CCBE1: variants seen among roughly 807,000 people sequenced by gnomAD.
The protein encoded by CCBE1 is collagen and calcium binding EGF domains 1.
In CCBE1, 37 loss-of-function variants were observed where a neutral mutation model predicts 50.0. The observed-to-expected ratio is 0.74, with a 90% confidence interval of 0.57 to 0.97. The LOEUF (loss-of-function observed/expected upper bound fraction) is 0.97. CCBE1 is among the 50% of genes least tolerant of loss of function. The probability of loss-of-function intolerance (pLI) is 0.00; values close to 1 mark genes in which losing one functional copy is unlikely to be tolerated. For synonymous variants in CCBE1, 234 were observed against 203.7 expected (o/e 1.15, Z -1.27); for missense variants, 538 against 523.8 (o/e 1.03, Z -0.26).
intron 2 of CCBE1, among the ~76,000 whole-genome samples, chr18:59,606,128 A>T (rs1026646176): frequency 2.0e-5 from 3 of 152,230 alleles, no homozygotes; most frequent in Admixed American, 6.5e-5. Flanking sequence ...TAACACGCTT[A>T]ATTCTTAACT....
chr18:59,547,221 A>G (rs1426453990), intron 2 of CCBE1, among the ~76,000 whole-genome samples: 6 of 152,022 alleles, frequency 3.9e-5, no homozygotes, highest in African/African-American at 1.4e-4. Context: ...TTGGGAGGCT[A>G]AGGCGGGCAG....
intron 2 of CCBE1, among the ~76,000 whole-genome samples, chr18:59,677,033 T>G (rs1390294228): frequency 6.6e-6 from 1 of 152,134 alleles, no homozygotes; most frequent in African/African-American, 2.4e-5. Flanking sequence ...GAATATGGAT[T>G]TTGTTTCCAG....
At chr18:59,516,460 G>A (rs979313711) in intron 2 of CCBE1, among the ~76,000 whole-genome samples, 6 of 152,182 alleles carry the variant, frequency 3.9e-5, no homozygotes, top group South Asian at 2.1e-4. Context: ...TCAAGTGGCC[G>A]ATAGTAGCTG....
At chr18:59,575,733 T>A (rs978585723) in intron 2 of CCBE1, among the ~76,000 whole-genome samples, 1 of 152,214 alleles carries the variant, frequency 6.6e-6, no homozygotes, top group South Asian at 2.1e-4. Context: ...GGTCCTAAGT[T>A]GCAGTGGCTA....
chr18:59,489,032 T>C (rs1178184990), intron 2 of CCBE1, among the ~76,000 whole-genome samples: 2 of 152,236 alleles, frequency 1.3e-5, no homozygotes, highest in Non-Finnish European at 2.9e-5. Flanking sequence ...GTCTCAACCA[T>C]ATGTGTTACC....
At chr18:59,555,417 T>C (rs1209401536) in intron 2 of CCBE1, among the ~76,000 whole-genome samples, 2 of 152,236 alleles carry the variant, frequency 1.3e-5, no homozygotes, top group African/African-American at 2.4e-5. Flanking sequence ...ACAGGTGTCA[T>C]GTTCCATCTC....
rs559488971 is a variant in CCBE1, at chr18:59,442,381, CATGT to C, written c.776-2569_776-2566del. 8.9e-4 allele frequency among the ~76,000 whole-genome samples: 135 copies of C among 152,270 alleles called. 1 individual carries two copies. Among genetic ancestry groups the C allele is most frequent in the Non-Finnish European group, 1.5e-3 (104 of 68,020 alleles). On this transcript the variant is annotated intron_variant, in intron 7 of 10. Coordinates refer to ENST00000439986, the MANE Select transcript of CCBE1 (RefSeq NM_133459.4). ...TGTTTATATGCATTCATGCACTGTACATGTATGTGTTTTCTGTTTATGTGTATCA... is the reference window on the plus strand; with the variant it reads ...TGTTTATATGCATTCATGCACTGTACATGTGTTTTCTGTTTATGTGTATCA...
At chr18:59,457,679 G>A (rs1343092683) in intron 5 of CCBE1, among the ~76,000 whole-genome samples, 3 of 152,178 alleles carry the variant, frequency 2.0e-5, no homozygotes, top group Admixed American at 1.3e-4. Context: ...GAGGTCTGGC[G>A]ACTTCCTGAA....
At chr18:59,665,920 C>T (rs2054348941) in intron 2 of CCBE1, among the ~76,000 whole-genome samples, 1 of 152,172 alleles carries the variant, frequency 6.6e-6, no homozygotes, top group Admixed American at 6.5e-5. Flanking sequence ...TAGAATATAT[C>T]ATGTACAAAA....
chr18:59,680,221 A>C (rs1296749380), intron 2 of CCBE1, among the ~76,000 whole-genome samples: 1 of 70,964 alleles, frequency 1.4e-5, no homozygotes, highest in Non-Finnish European at 2.8e-5. Context: ...ACCCCTTTTC[A>C]AAAAAGAAAA....
intron 2 of CCBE1, among the ~76,000 whole-genome samples, chr18:59,645,908 G>A (rs1002068032): frequency 1.3e-5 from 2 of 152,266 alleles, no homozygotes; most frequent in African/African-American, 2.4e-5. Flanking sequence ...GCGGGTGCCT[G>A]TAGTCCCAGT....
intron 2 of CCBE1, among the ~76,000 whole-genome samples, chr18:59,661,001 G>GT (rs58257621): frequency 0.4 from 60,114 of 150,498 alleles, 12,834 homozygotes; most frequent in African/African-American, 0.55. Flanking sequence ...ACTGGGAGGT[G>GT]TTTTTTTTTG....
chr18:59,590,874 T>A (rs988542563), intron 2 of CCBE1, among the ~76,000 whole-genome samples: 1 of 151,940 alleles, frequency 6.6e-6, no homozygotes, highest in African/African-American at 2.4e-5. Flanking sequence ...TCAAAGGATC[T>A]GAGGTGTAAG....
chr18:59,517,658 CCCT>C (rs1305402844), intron 2 of CCBE1, among the ~76,000 whole-genome samples: 2 of 152,146 alleles, frequency 1.3e-5, no homozygotes, highest in Admixed American at 1.3e-4. Flanking sequence ...TCAGTTCTAT[CCCT>C]TTCTTCCTAG....
intron 6 of CCBE1, among the ~76,000 whole-genome samples, chr18:59,449,514 T>TG (rs1291667148): frequency 5.9e-5 from 9 of 151,592 alleles, no homozygotes; most frequent in Non-Finnish European, 8.8e-5. Context: ...CCCGGCTACT[T>TG]GGGAGGCTAA....
intron 5 of CCBE1, among the ~76,000 whole-genome samples, chr18:59,458,123 TC>T: frequency 2.2e-4 from 1 of 4,448 alleles, no homozygotes; most frequent in African/African-American, 3.4e-4. Context: ...TGTCCATCAA[TC>T]CATCCATCCA....
At chr18:59,667,731 C>T (rs2054375702) in intron 2 of CCBE1, among the ~76,000 whole-genome samples, 1 of 152,114 alleles carries the variant, frequency 6.6e-6, no homozygotes. Context: ...CAGTTCATTC[C>T]ACAGAGTCAG....
chr18:59,458,013 C>T (rs1050388344), intron 5 of CCBE1, among the ~76,000 whole-genome samples: 2 of 152,192 alleles, frequency 1.3e-5, no homozygotes, highest in African/African-American at 2.4e-5. Flanking sequence ...TATGTTAATA[C>T]CTAAGGACAG....
chr18:59,576,681 C>T lies in CCBE1; in HGVS notation c.213-96443G>A, dbSNP rs1369232924. On this transcript the variant is annotated intron_variant, in intron 2 of 10. Coordinates refer to ENST00000439986, the MANE Select transcript of CCBE1 (RefSeq NM_133459.4). ...GCTTGCATGTGGTTTCTTTACCCAG[C>T]CATGCCCCGTCTACTTGCTCTGCCA... Among the ~76,000 whole-genome samples, 5 of 152,160 alleles carry T rather than the reference C, an allele frequency of 3.3e-5. No homozygotes were observed. The East Asian group carries it at 7.7e-4, about 23-fold the overall frequency.
Sources: allele counts gnomAD v4.1 joint callset (sites outside exome capture counted in the v4.1 genomes callset), GRCh38; gene constraint gnomAD v4.1.1; transcripts MANE v1.5; gene names NCBI Gene and HGNC (gene_info 2026-07-23, HGNC 2026-07-21).